Variants in PRUNE2 observed in about 807,000 individuals in gnomAD.
The protein encoded by PRUNE2 is prune homolog 2 with BCH domain.
A neutral mutation model predicts 252.0 loss-of-function variants in PRUNE2; 164 were observed. That is an observed-to-expected ratio of 0.65 (90% confidence interval 0.57 to 0.74). The LOEUF (loss-of-function observed/expected upper bound fraction) is 0.74. PRUNE2 is among the 30% of genes least tolerant of loss of function. The probability of loss-of-function intolerance (pLI) is 0.00; values close to 1 mark genes in which losing one functional copy is unlikely to be tolerated. For missense variants in PRUNE2, 3,495 were observed against 3,711.0 expected, an observed-to-expected ratio of 0.94 and a Z score of 1.51; for synonymous variants, 1,292 against 1,350.2, an observed-to-expected ratio of 0.96 and a Z score of 0.94.
rs181336148 is a variant in PRUNE2, at chr9:76,897,616, G to A, written c.36+8312C>T. ...TTTTTAGTAGAGATGGGGTTTCACC[G>A]TGTTGGCTGGACTGGTCTGGAACTC... is the stretch of plus-strand genomic sequence containing the variant. On this transcript the variant is annotated intron_variant, in intron 1 of 18. Coordinates refer to ENST00000376718, the MANE Select transcript of PRUNE2 (RefSeq NM_015225.3). Among the ~76,000 whole-genome samples, 320 of 151,580 alleles carry A rather than the reference G, an allele frequency of 2.1e-3. 1 individual carries two copies. The highest frequency in any genetic ancestry group is 3.8e-3 in the Non-Finnish European group (256 of 67,854).
chr9:76,859,179 C>A (rs754852264), intron 1 of PRUNE2, among the ~76,000 whole-genome samples: 7 of 152,162 alleles, frequency 4.6e-5, no homozygotes, highest in Non-Finnish European at 1.0e-4. Flanking sequence ...TGGACAGAAT[C>A]TTTTCATAAT....
chr9:76,624,303 G>T, intron 17 of PRUNE2, 149 bp downstream of exon 17: 1 of 476,062 alleles, frequency 2.1e-6, no homozygotes, highest in Non-Finnish European at 3.7e-6. Flanking sequence ...GAATAATAGA[G>T]ATTACATCTA....
intron 1 of PRUNE2, among the ~76,000 whole-genome samples, chr9:76,893,466 G>A (rs1040538307): frequency 8.5e-5 from 13 of 152,222 alleles, no homozygotes; most frequent in African/African-American, 3.1e-4. Flanking sequence ...GTGTACCCAG[G>A]GTGACATGGT....
At chr9:76,730,127 C>T (rs924244116) in intron 6 of PRUNE2, among the ~76,000 whole-genome samples, 4 of 152,194 alleles carry the variant, frequency 2.6e-5, no homozygotes, top group African/African-American at 7.2e-5. Context: ...GGAGCAAACA[C>T]AGCTGATACT....
intron 6 of PRUNE2, chr9:76,738,604 C>A (rs2049291491): frequency 6.6e-6 from 1 of 152,178 alleles, no homozygotes. Context: ...CATAAACAAA[C>A]TAGAGGCTCA....
At chr9:76,718,491 T>C (rs4744803) in intron 6 of PRUNE2, among the ~76,000 whole-genome samples, 61,022 of 152,030 alleles carry the variant, frequency 0.4, 13,150 homozygotes, top group Admixed American at 0.55. Flanking sequence ...CTTGATTCTC[T>C]ACAGTATTCC....
At chr9:76,822,821 A>G (rs2058112912) in intron 6 of PRUNE2, among the ~76,000 whole-genome samples, 1 of 152,162 alleles carries the variant, frequency 6.6e-6, no homozygotes, top group South Asian at 2.1e-4. Flanking sequence ...AAAAAGAAAA[A>G]AAAAAGAATG....
At chr9:76,691,009 G>A (rs1237805415) in intron 9 of PRUNE2, among the ~76,000 whole-genome samples, 2 of 152,118 alleles carry the variant, frequency 1.3e-5, no homozygotes, top group Admixed American at 6.6e-5. Flanking sequence ...GCCAGGCATC[G>A]TAATCTAATT....
chr9:76,874,270 C>T (rs1483916907), intron 1 of PRUNE2, among the ~76,000 whole-genome samples: 1 of 152,174 alleles, frequency 6.6e-6, no homozygotes, highest in African/African-American at 2.4e-5. Context: ...GTCTCTGTTT[C>T]CTCACCTGTT....
intron 9 of PRUNE2, among the ~76,000 whole-genome samples, chr9:76,695,328 G>A (rs1170160979): frequency 6.6e-6 from 1 of 152,148 alleles, no homozygotes; most frequent in Admixed American, 6.6e-5. Flanking sequence ...ATAAGCCAGC[G>A]CGCCCAGCCA....
In PRUNE2 at chr9:76,710,490, G is replaced by T. The variant is rs201792781; in HGVS notation, c.1784C>A (p.Ser595Tyr). Residue 595 changes from serine to tyrosine, a missense_variant, in exon 8 of 19, where the codon TCC becomes TAC. Ser to Tyr is a moderately radical substitution (Grantham distance 144). Coordinates refer to ENST00000376718, the MANE Select transcript of PRUNE2 (RefSeq NM_015225.3). The part of the protein sequence containing the change: ...LSLTDFVGDE[S>Y]PSPERLKNTG... ...ATTTTTTAGCCTTTCTGGGGAAGGG[G>T]ATTCATCTCCCACAAAATCTGTCAG... The T allele has an allele frequency of 7.7e-4, 1,235 of 1,613,812 alleles. 12 individuals are homozygous for T. Among genetic ancestry groups the T allele is most frequent in the Non-Finnish European group, 2.9e-4 (345 of 1,179,880 alleles).
chr9:76,638,804 A>G (rs1163528591), intron 12 of PRUNE2, among the ~76,000 whole-genome samples: 7 of 152,174 alleles, frequency 4.6e-5, no homozygotes, highest in Non-Finnish European at 8.8e-5. Context: ...TCTCATCCAC[A>G]CACTCCAGTG....
intron 2 of PRUNE2, 65 bp from the exon 3 acceptor site, chr9:76,850,730 C>A (rs1309742730): frequency 1.6e-6 from 2 of 1,247,610 alleles, no homozygotes; most frequent in Middle Eastern, 1.9e-4. Flanking sequence ...ATTACATTTT[C>A]TCCAGCCTGG....
rs575441775 is a variant in PRUNE2 at position 76,671,358 on chromosome 9, G to T, written c.8277-15856C>A. 6.7e-5 allele frequency among the ~76,000 whole-genome samples: 10 copies of T among 149,266 alleles called. No homozygotes were observed. In the South Asian group the frequency reaches 2.0e-3, roughly 29 times the overall value. On this transcript the variant is annotated intron_variant, in intron 9 of 18. Coordinates refer to ENST00000376718, the MANE Select transcript of PRUNE2 (RefSeq NM_015225.3). ...CGAGAAGGGAAGTCTAGAGAAAAAAGAATAAAAAGAAATGAGCAAAGCCTC... is the reference window on the plus strand; with the variant it reads ...CGAGAAGGGAAGTCTAGAGAAAAAATAATAAAAAGAAATGAGCAAAGCCTC...
intron 9 of PRUNE2, among the ~76,000 whole-genome samples, chr9:76,685,410 G>T (rs1350685144): frequency 1.3e-5 from 2 of 152,112 alleles, no homozygotes; most frequent in Non-Finnish European, 2.9e-5. Flanking sequence ...CATTCCTAAG[G>T]TATCTATTAT....
intron 1 of PRUNE2, among the ~76,000 whole-genome samples, chr9:76,904,443 A>C (rs1271333833): frequency 6.6e-6 from 1 of 152,218 alleles, no homozygotes; most frequent in Admixed American, 6.5e-5. Context: ...GGAGTGAAAA[A>C]CAGATACAGC....
intron 1 of PRUNE2, among the ~76,000 whole-genome samples, chr9:76,884,430 T>C (rs1299592770): frequency 6.6e-6 from 1 of 152,188 alleles, no homozygotes; most frequent in African/African-American, 2.4e-5. Context: ...CAAATATGGA[T>C]TGTATACTAT....
At chr9:76,699,146 C>T (rs2045670895) in intron 9 of PRUNE2, among the ~76,000 whole-genome samples, 1 of 150,772 alleles carries the variant, frequency 6.6e-6, no homozygotes, top group Non-Finnish European at 1.5e-5. Flanking sequence ...TTTTAAAATT[C>T]CCTTGCACAT....
rs923586151 is a variant in PRUNE2, at chr9:76,827,861, T to C, written c.509-1129A>G. On this transcript the variant is annotated intron_variant, in intron 4 of 18. Coordinates refer to ENST00000376718, the MANE Select transcript of PRUNE2 (RefSeq NM_015225.3). ...ACTGCTTTCCCAGCTCACAGTGTTATACTAAGCATCAAATGAATGTAAACA... is the reference window on the plus strand; with the variant it reads ...ACTGCTTTCCCAGCTCACAGTGTTACACTAAGCATCAAATGAATGTAAACA... Among the ~76,000 whole-genome samples the C allele has an allele frequency of 5.3e-5, 8 of 152,232 alleles. 1 individual carries two copies. The highest frequency in any genetic ancestry group is 5.2e-4 in the Admixed American group (8 of 15,280).
Sources: allele counts gnomAD v4.1 joint callset (sites outside exome capture counted in the v4.1 genomes callset), GRCh38; gene constraint gnomAD v4.1.1; transcripts MANE v1.5; gene names NCBI Gene and HGNC (gene_info 2026-07-23, HGNC 2026-07-21).